The following KPNA3 variants were observed in gnomAD, a reference collection of about 807,000 sequenced individuals.
KPNA3 encodes importin subunit alpha-4.
KPNA3 carries 13 observed loss-of-function variants against 73.8 expected under a neutral mutation model. That is an observed-to-expected ratio of 0.18 (90% CI 0.11 to 0.28). The LOEUF is 0.28. Ranked by LOEUF, KPNA3 falls within the 10% of genes least tolerant of loss-of-function variation. KPNA3 has a pLI of 1.00. For missense variants in KPNA3, 360 were observed against 618.1 expected (o/e 0.58, Z 4.43); for synonymous variants, 186 against 206.9 (o/e 0.90, Z 0.87).
chr13:49,738,976 G>A (rs1241473743), intron 2 of KPNA3, among the ~76,000 whole-genome samples: 1 of 152,128 alleles, frequency 6.6e-6, no homozygotes, highest in East Asian at 1.9e-4. Flanking sequence ...AGGTTTTTGT[G>A]GTGCTCTTTA....
rs533502181 is a variant in KPNA3 at position 49,722,650 on chromosome 13, G to C, written c.470-87C>G. Reference sequence around the variant, plus strand: ...ATCAAAGAAATTGATCAAATACACAGCCTGGCATATTGTAGCTGGAAGAAC... The same window carrying C: ...ATCAAAGAAATTGATCAAATACACACCCTGGCATATTGTAGCTGGAAGAAC... On this transcript the variant is annotated intron_variant, in intron 7 of 16. Transcript: ENST00000261667. 3.8e-5 allele frequency: 29 copies of C among 755,190 alleles called. No individual in the cohort carries two copies. The East Asian group carries it at 7.4e-4, about 19-fold the overall frequency. 46.8% of individuals were successfully genotyped at this position (755,190 alleles called of 1,614,324 possible). A position where few individuals can be genotyped will look rare whatever the true frequency, so the allele number is the denominator to read the frequency against.
At chr13:49,759,642 G>T (rs7334018) in intron 1 of KPNA3, among the ~76,000 whole-genome samples, 1 of 152,020 alleles carries the variant, frequency 6.6e-6, no homozygotes, top group Non-Finnish European at 1.5e-5. Context: ...TAGATCACTC[G>T]CATGCACAGT....
At chr13:49,759,091 A>G (rs1954736793) in intron 1 of KPNA3, among the ~76,000 whole-genome samples, 1 of 152,214 alleles carries the variant, frequency 6.6e-6, no homozygotes, top group South Asian at 2.1e-4. Flanking sequence ...AATTATTATC[A>G]ATTATCAATA....
chr13:49,721,469 A>G (rs1954356803), intron 9 of KPNA3, among the ~76,000 whole-genome samples: 1 of 152,192 alleles, frequency 6.6e-6, no homozygotes, highest in African/African-American at 2.4e-5. Context: ...CAGGTACAGT[A>G]AGACACTCAA....
intron 6 of KPNA3, among the ~76,000 whole-genome samples, chr13:49,727,318 C>T (rs548663765): frequency 3.3e-5 from 5 of 151,772 alleles, no homozygotes; most frequent in South Asian, 2.1e-4. Context: ...CATGATGGTG[C>T]GTGCCTATAA....
At chr13:49,721,777 G>A (rs931743410) in intron 9 of KPNA3, among the ~76,000 whole-genome samples, 178 bp downstream of exon 9, 6 of 152,172 alleles carry the variant, frequency 3.9e-5, no homozygotes, top group African/African-American at 1.2e-4. Flanking sequence ...CCAAGATCGC[G>A]CCACTGCACT....
At chr13:49,779,874 G>A (rs183690613) in intron 1 of KPNA3, among the ~76,000 whole-genome samples, 57 of 152,134 alleles carry the variant, frequency 3.7e-4, no homozygotes, top group African/African-American at 1.3e-3. Context: ...CTTATTGTAA[G>A]GTCTCATCAT....
At chr13:49,719,956 A>C in intron 9 of KPNA3, 137 bp from the exon 10 acceptor site, 1 of 582,852 alleles carries the variant, frequency 1.7e-6, no homozygotes, top group Admixed American at 3.8e-5. Flanking sequence ...AATATCTTTT[A>C]GGAAAATGAA....
Position 49,702,372 on chromosome 13 carries a change from T to C in KPNA3, c.1467+14A>G. ...ATTTACATGAAGATACACGCTATTT[T>C]AATATCTACTTACATCATCACCAGA... On this transcript the variant is annotated intron_variant, in intron 16 of 16. Transcript: ENST00000261667. 8.0e-7 allele frequency: 1 copy of C among 1,253,190 alleles called. No homozygotes were observed. The highest frequency in any genetic ancestry group is 1.2e-6 in the Non-Finnish European group (1 of 864,980). The allele number at this position is 1,253,190 out of a possible 1,614,324, so 77.6% of individuals were successfully genotyped here.
chr13:49,766,788 C>T (rs546550122), intron 1 of KPNA3, among the ~76,000 whole-genome samples: 1 of 152,142 alleles, frequency 6.6e-6, no homozygotes, highest in East Asian at 1.9e-4. Flanking sequence ...ATAAACCTAA[C>T]ATCAAAAATT....
intron 2 of KPNA3, among the ~76,000 whole-genome samples, chr13:49,744,268 C>A (rs116285701): frequency 6.6e-6 from 1 of 152,280 alleles, no homozygotes; most frequent in African/African-American, 2.4e-5. Flanking sequence ...AAACACCTTA[C>A]TTTATTAAGC....
chr13:49,750,430 A>C (rs999701388), intron 1 of KPNA3, among the ~76,000 whole-genome samples: 7 of 152,002 alleles, frequency 4.6e-5, no homozygotes, highest in African/African-American at 1.7e-4. Context: ...AGGCGGGAGG[A>C]TCACTTGAGC....
At chr13:49,776,341 T>C (rs567586325) in intron 1 of KPNA3, among the ~76,000 whole-genome samples, 1 of 152,368 alleles carries the variant, frequency 6.6e-6, no homozygotes, top group East Asian at 1.9e-4. Context: ...TGACAGTAAC[T>C]TTAAATTGCC....
chr13:49,750,644 A>G (rs1214943838), intron 1 of KPNA3, among the ~76,000 whole-genome samples: 2 of 152,002 alleles, frequency 1.3e-5, no homozygotes, highest in Admixed American at 1.3e-4. Context: ...AAAAAAAAAA[A>G]AGGTTTGCCA....
chr13:49,730,144 T>A (rs760122488), intron 6 of KPNA3, among the ~76,000 whole-genome samples: 1 of 152,200 alleles, frequency 6.6e-6, no homozygotes, highest in Admixed American at 6.5e-5. Context: ...TTCTGTATTA[T>A]ATGTTATGTT....
intron 6 of KPNA3, among the ~76,000 whole-genome samples, chr13:49,727,596 G>A (rs1227408762): frequency 6.6e-6 from 1 of 152,068 alleles, no homozygotes; most frequent in African/African-American, 2.4e-5. Context: ...AAGTAGCAGA[G>A]AAGAACTATG....
chr13:49,703,058 C>T (rs576517805), intron 15 of KPNA3, among the ~76,000 whole-genome samples: 8 of 152,008 alleles, frequency 5.3e-5, no homozygotes, highest in South Asian at 4.2e-4. Flanking sequence ...TTAGCAGAGA[C>T]GGGGTTTCAC....
At chr13:49,752,757 G>A (rs914366918) in intron 1 of KPNA3, among the ~76,000 whole-genome samples, 8 of 152,002 alleles carry the variant, frequency 5.3e-5, no homozygotes, top group South Asian at 2.1e-4. Flanking sequence ...GGCTGGGCAC[G>A]GTGGCTTACG....
In KPNA3 at chr13:49,734,899, T is replaced by TTATATA. The variant is rs10675447; in HGVS notation, c.115-1859_115-1854dup. Among the ~76,000 whole-genome samples, 927 of 143,666 alleles carry TTATATA rather than the reference T, an allele frequency of 6.5e-3. 29 individuals carry two copies. The East Asian group carries it at 0.1, about 16-fold the overall frequency. The allele number at this position is 143,666 out of a possible 152,430, so 94.3% of individuals were successfully genotyped here. A position where few individuals can be genotyped will look rare whatever the true frequency, so the allele number is the denominator to read the frequency against. The stretch of plus-strand genomic sequence containing the variant: ...CCTTCTAATTTTGCAAATTTTGACT[T>TTATATA]TATATATATATATATACACACACAT... On this transcript the variant is annotated intron_variant, in intron 2 of 16. Coordinates refer to ENST00000261667, the MANE Select transcript of KPNA3 (RefSeq NM_002267.4).
Sources: gnomAD v4.1 joint callset for allele counts (sites outside exome capture counted in the v4.1 genomes callset) on GRCh38, gnomAD v4.1.1 for gene constraint, MANE v1.5 for transcripts, NCBI Gene and HGNC (gene_info 2026-07-23, HGNC 2026-07-21) for gene names.